The following CLVS1 variants were observed in gnomAD, a reference collection of about 807,000 sequenced individuals.
CLVS1 encodes the protein clavesin-1.
In CLVS1, 10 loss-of-function variants were observed where a neutral mutation model predicts 33.1. The ratio of observed to expected loss-of-function variants is 0.30; its 90% CI spans 0.19 to 0.51. The LOEUF is 0.51. Ranked by LOEUF, CLVS1 falls within the 20% of genes least tolerant of loss-of-function variation. The pLI is 0.97. For missense variants in CLVS1, 343 were observed against 433.4 expected, an observed-to-expected ratio of 0.79 and a Z score of 1.85; for synonymous variants, 163 against 166.1, an observed-to-expected ratio of 0.98 and a Z score of 0.14.
intron 2 of CLVS1, among the ~76,000 whole-genome samples, chr8:61,282,942 C>G (rs934040001): frequency 1.3e-5 from 2 of 152,166 alleles, no homozygotes; most frequent in African/African-American, 2.4e-5. Flanking sequence ...TCCCTCCTAC[C>G]CAGTGATGCT....
chr8:61,296,647 C>A lies in CLVS1; in HGVS notation c.-151-3030C>A, dbSNP rs111542193. Reference sequence around the variant, plus strand: ...ATGAGGAAGGACATTAATCAATCAGCCACAACATCTCATTTAAGGATAAAC... The same window carrying A: ...ATGAGGAAGGACATTAATCAATCAGACACAACATCTCATTTAAGGATAAAC... On this transcript the variant is annotated intron_variant, in intron 1 of 5. Transcript: ENST00000325897. 9.9e-3 allele frequency among the ~76,000 whole-genome samples: 1,506 copies of A among 152,286 alleles called. 32 individuals carry two copies. The highest frequency in any genetic ancestry group is 0.034 in the African/African-American group (1,398 of 41,558).
chr8:61,333,564 C>G (rs774870447), intron 2 of CLVS1, among the ~76,000 whole-genome samples: 1 of 152,086 alleles, frequency 6.6e-6, no homozygotes, highest in Non-Finnish European at 1.5e-5. Flanking sequence ...ATACTGTCAA[C>G]TAAAAACCAA....
chr8:60,966,509 C>T, the CLVS1 span: 1 of 393,338 alleles, frequency 2.5e-6, no homozygotes, highest in African/African-American at 2.1e-5. Context: ...TATGCCATGA[C>T]CCAGCATCCC....
Position 61,265,275 on chromosome 8 carries a change from A to G in CLVS1, c.-151-34402A>G, listed in dbSNP as rs537608067. ...CCCGCTGGTTCAGGCCCAAATTATG[A>G]GAAACATTCATGCTGGACTCTGCAT... On this transcript the variant is annotated intron_variant, in intron 2 of 2. Coordinates refer to the CLVS1 transcript ENST00000522621. Among the ~76,000 whole-genome samples, 573 of 149,854 alleles carry G rather than the reference A, an allele frequency of 3.8e-3. 5 individuals carry two copies. The highest frequency in any genetic ancestry group is 0.013 in the African/African-American group (529 of 41,470).
At chr8:61,390,079 A>C (rs1186792631) in intron 3 of CLVS1, among the ~76,000 whole-genome samples, 1 of 152,176 alleles carries the variant, frequency 6.6e-6, no homozygotes, top group Non-Finnish European at 1.5e-5. Context: ...TTCAGCTTGA[A>C]AAGTCCTATT....
intron 3 of CLVS1, among the ~76,000 whole-genome samples, chr8:61,379,631 G>A (rs1015723818): frequency 2.6e-5 from 4 of 152,148 alleles, no homozygotes; most frequent in African/African-American, 9.7e-5. Flanking sequence ...ACGTTGGGTT[G>A]TTGACTACTA....
chr8:61,164,323 C>T (rs1357493104), intron 2 of CLVS1, among the ~76,000 whole-genome samples: 2 of 152,120 alleles, frequency 1.3e-5, no homozygotes, highest in African/African-American at 4.8e-5. Context: ...GAAAAGGGTC[C>T]TTGGGAAGTT....
chr8:61,391,697 C>G (rs1262258139), intron 3 of CLVS1, among the ~76,000 whole-genome samples: 1 of 152,158 alleles, frequency 6.6e-6, no homozygotes, highest in Non-Finnish European at 1.5e-5. Flanking sequence ...TCTGTAGACT[C>G]ATTAAGGATT....
chr8:61,212,354 C>T (rs1807988601), intron 2 of CLVS1, among the ~76,000 whole-genome samples: 1 of 152,170 alleles, frequency 6.6e-6, no homozygotes, highest in Non-Finnish European at 1.5e-5. Flanking sequence ...GAGGGAGCAT[C>T]AGGGACAAAA....
chr8:61,316,719 A>T (rs182667786), intron 2 of CLVS1, among the ~76,000 whole-genome samples: 2 of 152,364 alleles, frequency 1.3e-5, no homozygotes, highest in Non-Finnish European at 1.5e-5. Context: ...ACAATTGAGC[A>T]TCCACTGTGT....
chr8:61,035,368 C>T, the CLVS1 span, among the ~76,000 whole-genome samples: 1 of 151,996 alleles, frequency 6.6e-6, no homozygotes, highest in South Asian at 2.1e-4. Context: ...TTTTTGTTTT[C>T]ACAAAGTCGA....
chr8:61,030,673 A>T, the CLVS1 span, among the ~76,000 whole-genome samples: 8 of 152,240 alleles, frequency 5.3e-5, no homozygotes, highest in Non-Finnish European at 7.3e-5. Flanking sequence ...GTGGTCATTT[A>T]TTCATCCAAC....
intron 1 of CLVS1, among the ~76,000 whole-genome samples, chr8:61,061,212 T>C (rs1214063570): frequency 3.9e-5 from 6 of 152,170 alleles, no homozygotes; most frequent in Non-Finnish European, 8.8e-5. Context: ...TCCCGACTTT[T>C]ACACAAGCTG....
intron 5 of CLVS1, among the ~76,000 whole-genome samples, chr8:61,481,834 G>T (rs988631100): frequency 6.6e-6 from 1 of 152,238 alleles, no homozygotes; most frequent in Non-Finnish European, 1.5e-5. Context: ...CTGTCTGACA[G>T]CTTTGAAGAG....
intron 4 of CLVS1, among the ~76,000 whole-genome samples, chr8:61,457,609 T>G (rs1432933232): frequency 6.6e-6 from 1 of 152,090 alleles, no homozygotes; most frequent in Non-Finnish European, 1.5e-5. Context: ...AGGCTGTGGT[T>G]TTTGATTCCA....
At chr8:61,106,232 G>C (rs1805535500) in intron 1 of CLVS1, among the ~76,000 whole-genome samples, 1 of 152,184 alleles carries the variant, frequency 6.6e-6, no homozygotes, top group Admixed American at 6.5e-5. Context: ...GAATATCAAA[G>C]TGGTAGGAGA....
chr8:61,113,748 T>G (rs1805669816), intron 1 of CLVS1, among the ~76,000 whole-genome samples: 1 of 152,180 alleles, frequency 6.6e-6, no homozygotes, highest in African/African-American at 2.4e-5. Flanking sequence ...CCCTGGGTCC[T>G]GGCTGGTAAG....
chr8:61,146,168 G>GC lies in CLVS1; in HGVS notation c.-152+14308_-152+14309insC, dbSNP rs529524019. The stretch of plus-strand genomic sequence containing the variant: ...TTTTCTTGCAGCATGTGGCTTCACA[G>GC]GAAAAAAAAATTAAATGCACAGGAC... On this transcript the variant is annotated intron_variant, in intron 2 of 2. Transcript: ENST00000522621. 4.6e-4 allele frequency among the ~76,000 whole-genome samples: 70 copies of GC among 151,860 alleles called. 1 individual carries two copies. The South Asian group carries it at 0.012, about 27-fold the overall frequency.
chr8:61,459,701 G>T (rs745721467), intron 5 of CLVS1, among the ~76,000 whole-genome samples: 3 of 152,222 alleles, frequency 2.0e-5, no homozygotes, highest in Non-Finnish European at 4.4e-5. Context: ...GTGGGCCCTT[G>T]TAATTCTGTT....
Sources: allele counts gnomAD v4.1 joint callset (sites outside exome capture counted in the v4.1 genomes callset), GRCh38; gene constraint gnomAD v4.1.1; transcripts MANE v1.5; gene names NCBI Gene and HGNC (gene_info 2026-07-23, HGNC 2026-07-21).